MINDY2: variants seen among roughly 807,000 people sequenced by gnomAD.
The protein encoded by MINDY2 is ubiquitin carboxyl-terminal hydrolase MINDY-2.
MINDY2 carries 52 observed loss-of-function variants against 68.2 expected under a neutral mutation model. That is an observed-to-expected ratio of 0.76 (90% CI 0.61 to 0.96). The LOEUF (loss-of-function observed/expected upper bound fraction) is 0.96. MINDY2 is among the 40% of genes least tolerant of loss of function. The pLI, the probability that MINDY2 is intolerant of heterozygous loss-of-function variation, is 0.00. For missense variants in MINDY2, 881 were observed against 773.4 expected (o/e 1.14, Z -1.65); for synonymous variants, 372 against 303.0 (o/e 1.23, Z -2.36).
At chr15:58,791,638 G>GTGTA (rs1189658519) in intron 2 of MINDY2, among the ~76,000 whole-genome samples, 1 of 149,278 alleles carries the variant, frequency 6.7e-6, no homozygotes, top group African/African-American at 2.5e-5. Context: ...GTGTGTGTGT[G>GTGTA]TGTGTGTGTG....
In MINDY2 at chr15:58,856,354, C is replaced by G. The variant is rs1442167633; in HGVS notation, c.*1744C>G. On this transcript the variant is annotated 3_prime_UTR_variant, in exon 9 of 9. Transcript: ENST00000559228. ...ATGTCATTAACTTTATGATCCAAGA[C>G]CAGTTATAGGATGAATCTGTATGTA... 1 of 152,460 alleles carries G rather than the reference C, an allele frequency of 6.6e-6. No individual in the cohort carries two copies. Among genetic ancestry groups the G allele is most frequent in the East Asian group, 1.9e-4 (1 of 5,186 alleles). 9.4% of individuals were successfully genotyped at this position (152,460 alleles called of 1,614,324 possible).
At chr15:58,827,839 T>C (rs1356772603) in intron 5 of MINDY2, among the ~76,000 whole-genome samples, 2 of 152,150 alleles carry the variant, frequency 1.3e-5, no homozygotes, top group African/African-American at 4.8e-5. Flanking sequence ...TGCCCTCAAG[T>C]TGGGTCTTGT....
intron 4 of MINDY2, among the ~76,000 whole-genome samples, chr15:58,820,073 C>T (rs2030960735): frequency 6.6e-6 from 1 of 152,108 alleles, no homozygotes; most frequent in Non-Finnish European, 1.5e-5. Context: ...CAAGACCATC[C>T]TGGCCAACAT....
rs1900482912 is a variant in MINDY2, at chr15:58,772,256, C to T, written c.840+21C>T. On this transcript the variant is annotated intron_variant, in intron 1 of 8. Coordinates refer to ENST00000559228, the MANE Select transcript of MINDY2 (RefSeq NM_001040450.3). Reference sequence around the variant, plus strand: ...GGAAGGTACATTCTGCAGCTTTCTACTTCCTACAGCTTTTGGGGTGGAGGA... The same window carrying T: ...GGAAGGTACATTCTGCAGCTTTCTATTTCCTACAGCTTTTGGGGTGGAGGA... 2.5e-6 allele frequency: 4 copies of T among 1,605,008 alleles called. No individual in the cohort carries two copies. The Admixed American group carries it at 5.0e-5, about 20-fold the overall frequency.
chr15:58,789,182 CA>C (rs1252968677), intron 2 of MINDY2, among the ~76,000 whole-genome samples: 11 of 151,834 alleles, frequency 7.2e-5, no homozygotes, highest in Admixed American at 7.2e-4. Context: ...CTAAAAAATA[CA>C]AAAAATTAGC....
At chr15:58,785,900 T>C (rs1901466104) in intron 1 of MINDY2, among the ~76,000 whole-genome samples, 1 of 152,100 alleles carries the variant, frequency 6.6e-6, no homozygotes, top group Non-Finnish European at 1.5e-5. Flanking sequence ...GCTCGTCTCG[T>C]ACTCCTGACC....
intron 7 of MINDY2, among the ~76,000 whole-genome samples, chr15:58,848,113 T>G (rs2032626988): frequency 1.3e-5 from 2 of 151,732 alleles, no homozygotes; most frequent in South Asian, 2.1e-4. Context: ...GATTTTTGCC[T>G]GCCATAAGTG....
intron 2 of MINDY2, among the ~76,000 whole-genome samples, chr15:58,788,826 A>G (rs1323591692): frequency 6.6e-6 from 1 of 150,586 alleles, no homozygotes; most frequent in Non-Finnish European, 1.5e-5. Context: ...CCTGGCCAAC[A>G]TGGTGAAACC....
In MINDY2 at chr15:58,855,595, T is replaced by C. The variant is rs2033032475; in HGVS notation, c.*985T>C. The C allele has an allele frequency of 6.6e-6, 1 of 152,620 alleles. No homozygotes were observed. Among genetic ancestry groups the C allele is most frequent in the African/African-American group, 2.4e-5 (1 of 41,440 alleles). 9.5% of individuals were successfully genotyped at this position (152,620 alleles called of 1,614,324 possible). On this transcript the variant is annotated 3_prime_UTR_variant, in exon 9 of 9. Transcript: ENST00000559228. Reference sequence around the variant, plus strand: ...CACATTTCTGAAATGAAGTTAGAGATAATCTCTGTGTCTTATAAAAAGACA... The same window carrying C: ...CACATTTCTGAAATGAAGTTAGAGACAATCTCTGTGTCTTATAAAAAGACA...
intron 4 of MINDY2, among the ~76,000 whole-genome samples, chr15:58,811,901 G>A (rs1186273311): frequency 2.0e-5 from 3 of 152,112 alleles, no homozygotes; most frequent in African/African-American, 2.4e-5. Context: ...TCTGTGTTAT[G>A]TCTACTCCTA....
intron 1 of MINDY2, among the ~76,000 whole-genome samples, chr15:58,773,943 A>C (rs1433957846): frequency 6.6e-6 from 1 of 152,200 alleles, no homozygotes. Flanking sequence ...AAGGGCCCTC[A>C]ACTAGGGAGT....
At chr15:58,807,173 A>G (rs1480699660) in intron 3 of MINDY2, among the ~76,000 whole-genome samples, 2 of 152,080 alleles carry the variant, frequency 1.3e-5, no homozygotes, top group African/African-American at 4.8e-5. Context: ...TACAAACTAT[A>G]GTCTACTGTT....
chr15:58,842,921 A>C (rs2032350686), intron 6 of MINDY2, among the ~76,000 whole-genome samples: 2 of 152,166 alleles, frequency 1.3e-5, no homozygotes, highest in South Asian at 4.2e-4. Flanking sequence ...CTTGACTTTC[A>C]AGTCAACAAC....
chr15:58,846,457 A>G (rs1173484137), intron 6 of MINDY2, among the ~76,000 whole-genome samples: 1 of 151,858 alleles, frequency 6.6e-6, no homozygotes, highest in African/African-American at 2.4e-5. Flanking sequence ...GCTGGGCATG[A>G]TGGCACACGC....
intron 6 of MINDY2, among the ~76,000 whole-genome samples, chr15:58,842,281 A>G (rs958190362): frequency 1.1e-4 from 17 of 152,222 alleles, no homozygotes; most frequent in African/African-American, 3.9e-4. Flanking sequence ...TTTTTACCAT[A>G]AACTCAGTCA....
At chr15:58,803,400 G>A (rs1290414906) in intron 3 of MINDY2, among the ~76,000 whole-genome samples, 2 of 151,780 alleles carry the variant, frequency 1.3e-5, no homozygotes, top group Non-Finnish European at 2.9e-5. Flanking sequence ...CCCAGGAGGC[G>A]GAAGTTGCAG....
chr15:58,830,337 G>A (rs1433724372), intron 5 of MINDY2, among the ~76,000 whole-genome samples: 2 of 152,058 alleles, frequency 1.3e-5, no homozygotes, highest in Non-Finnish European at 2.9e-5. Flanking sequence ...TGATTCACTA[G>A]CGTTAAACTC....
intron 4 of MINDY2, among the ~76,000 whole-genome samples, chr15:58,812,974 C>G (rs2030400681): frequency 1.3e-5 from 2 of 152,142 alleles, no homozygotes; most frequent in Non-Finnish European, 2.9e-5. Flanking sequence ...ACACCCTTAC[C>G]CTCTTCTTAA....
At chr15:58,802,427 A>G (rs781496908) in intron 3 of MINDY2, 50 bp downstream of exon 3, 3 of 1,235,468 alleles carry the variant, frequency 2.4e-6, no homozygotes, top group Non-Finnish European at 3.4e-6. Context: ...TTAAATATAT[A>G]CATTGGTTTC....
Sources: allele counts gnomAD v4.1 joint callset (sites outside exome capture counted in the v4.1 genomes callset), GRCh38; gene constraint gnomAD v4.1.1; transcripts MANE v1.5; gene names NCBI Gene and HGNC (gene_info 2026-07-23, HGNC 2026-07-21).